The following PCDHGA6 variants were observed in gnomAD, a reference collection of about 807,000 sequenced individuals.
PCDHGA6 encodes protocadherin gamma subfamily A, 6.
In PCDHGA6, 41 loss-of-function variants were observed where a neutral mutation model predicts 60.6. That is an observed-to-expected ratio of 0.68 (90% CI 0.53 to 0.88). PCDHGA6 has a LOEUF of 0.88. PCDHGA6 is among the 40% of genes least tolerant of loss of function. The pLI is 0.00. For missense variants in PCDHGA6, 1,312 were observed against 1,203.0 expected (o/e 1.09, Z -1.34); for synonymous variants, 594 against 524.4 (o/e 1.13, Z -1.81).
At chr5:141,383,401 CAG>C (rs1246270441) in intron 1 of PCDHGA6, 1 of 1,614,016 alleles carries the variant, frequency 6.2e-7, no homozygotes. Context: ...GAACTCCCTC[CAG>C]AGTTACCAGC....
intron 1 of PCDHGA6, chr5:141,400,068 GC>G (rs1160956861): frequency 6.2e-7 from 1 of 1,613,706 alleles, no homozygotes; most frequent in African/African-American, 1.3e-5. Context: ...ATGGTGGACA[GC>G]CGCCACTCTC....
intron 1 of PCDHGA6, among the ~76,000 whole-genome samples, chr5:141,439,631 A>C (rs1459977985): frequency 2.0e-5 from 3 of 152,214 alleles, no homozygotes; most frequent in Non-Finnish European, 2.9e-5. Context: ...ATCCCCAGAC[A>C]TTCCGGCTTG....
intron 1 of PCDHGA6, chr5:141,395,535 C>A: frequency 3.6e-5 from 12 of 331,892 alleles, no homozygotes; most frequent in Admixed American, 5.0e-5. Context: ...GGTAATTTTG[C>A]TATTGTTTGT....
Position 141,402,817 on chromosome 5 carries a change from C to T in PCDHGA6, c.2424+26310C>T, listed in dbSNP as rs1040353038. On this transcript the variant is annotated intron_variant, in intron 1 of 3. Transcript: ENST00000517434. ...ACAAAACCCGGCAGATACCACAAACCTGCTCCCAGGCTGCAGCAAAACTCA... is the reference window on the plus strand; with the variant it reads ...ACAAAACCCGGCAGATACCACAAACTTGCTCCCAGGCTGCAGCAAAACTCA... The T allele has an allele frequency of 6.3e-6, 8 of 1,267,616 alleles. No homozygotes were observed. In the African/African-American group the frequency reaches 1.2e-4, roughly 19 times the overall value. The allele number at this position is 1,267,616 out of a possible 1,614,324, so 78.5% of individuals were successfully genotyped here.
rs773688197 is a variant in PCDHGA6 at position 141,432,412 on chromosome 5, C to A, written c.2424+55905C>A. 2.5e-6 allele frequency: 4 copies of A among 1,614,128 alleles called. No homozygotes were observed. The Admixed American group carries it at 6.7e-5, about 27-fold the overall frequency. On this transcript the variant is annotated intron_variant, in intron 1 of 3. Transcript: ENST00000517434. The surrounding 1 kb of genome is among the most constrained non-coding windows in gnomAD (Gnocchi z 6.0). ...GCAGCAACGTGTCGTTGAGCCTGTT[C>A]GTGCTGGACCAGAACGACAATGCGC...
chr5:141,499,486 C>T (rs569172977), intron 2 of PCDHGA6, among the ~76,000 whole-genome samples: 3 of 152,284 alleles, frequency 2.0e-5, no homozygotes, highest in East Asian at 1.9e-4. Context: ...CCACCAACTA[C>T]AGTTTAATAT....
chr5:141,398,586 A>G, intron 1 of PCDHGA6: 2 of 1,614,054 alleles, frequency 1.2e-6, no homozygotes, highest in Non-Finnish European at 1.7e-6. Flanking sequence ...CAAGATTTAT[A>G]CTAGAAGTAG....
chr5:141,505,255 C>T (rs2099844853), intron 2 of PCDHGA6, 138 bp from the exon 3 acceptor site: 1 of 1,481,112 alleles, frequency 6.8e-7, no homozygotes, highest in Admixed American at 2.1e-5. Context: ...AGAAGTGCCT[C>T]CTACCTTGCT....
At chr5:141,445,294 T>G (rs1012635904) in intron 1 of PCDHGA6, among the ~76,000 whole-genome samples, 2 of 152,238 alleles carry the variant, frequency 1.3e-5, no homozygotes. Flanking sequence ...CAGGCTTCCA[T>G]TCTCTTCAGT....
At chr5:141,418,687 G>T (rs758554600) in intron 1 of PCDHGA6, 1 of 1,613,928 alleles carries the variant, frequency 6.2e-7, no homozygotes, top group African/African-American at 1.3e-5. Context: ...TCAACTCAGA[G>T]ATCACTTATT....
At chr5:141,385,323 G>C (rs1781122610) in intron 1 of PCDHGA6, 1 of 1,607,092 alleles carries the variant, frequency 6.2e-7, no homozygotes, top group Non-Finnish European at 8.5e-7. Flanking sequence ...CAAGTATTCA[G>C]GTGAGCCCAG....
chr5:141,494,441 C>T (rs1187169994), intron 1 of PCDHGA6, among the ~76,000 whole-genome samples: 2 of 152,154 alleles, frequency 1.3e-5, no homozygotes, highest in African/African-American at 4.8e-5. Context: ...TCCTTTGCCA[C>T]TTTAGGGGGC....
intron 1 of PCDHGA6, among the ~76,000 whole-genome samples, chr5:141,402,781 T>G (rs1456317365): frequency 1.3e-5 from 2 of 152,200 alleles, no homozygotes; most frequent in Non-Finnish European, 2.9e-5. Context: ...GATTTCCAGT[T>G]CTGCGGCTAC....
chr5:141,405,192 G>A (rs2154536235), intron 1 of PCDHGA6: 5 of 1,613,938 alleles, frequency 3.1e-6, no homozygotes, highest in East Asian at 2.2e-5. Context: ...GATGGGGTTC[G>A]AGCTTTCCTA....
chr5:141,468,801 A>G (rs949203275), intron 1 of PCDHGA6, among the ~76,000 whole-genome samples: 15 of 151,736 alleles, frequency 9.9e-5, no homozygotes, highest in South Asian at 2.1e-4. Context: ...GGGAGGCGGA[A>G]CTTGCAGTGA....
chr5:141,407,703 G>A (rs1016806853), intron 1 of PCDHGA6, among the ~76,000 whole-genome samples: 26 of 152,096 alleles, frequency 1.7e-4, no homozygotes, highest in African/African-American at 6.3e-4. Flanking sequence ...ATTGTTGAAG[G>A]TGGGGTGATG....
At position 141,463,796 on chromosome 5, in the gene PCDHGA6, G is replaced by A. The variant is rs139760353; in HGVS notation, c.2425-31011G>A. ...ATCCTGCACTGTCTTTTGAACAAAT[G>A]TCTAAAAGCTTTTATCACACATTTT... On this transcript the variant is annotated intron_variant, in intron 1 of 3. Coordinates refer to ENST00000517434, the MANE Select transcript of PCDHGA6 (RefSeq NM_018919.3). Among the ~76,000 whole-genome samples, 155 of 152,232 alleles carry A rather than the reference G, an allele frequency of 1.0e-3. 1 individual carries two copies. The highest frequency in any genetic ancestry group is 3.4e-3 in the African/African-American group (140 of 41,538).
At chr5:141,396,934 G>A (rs1037377516) in intron 1 of PCDHGA6, among the ~76,000 whole-genome samples, 2 of 152,186 alleles carry the variant, frequency 1.3e-5, no homozygotes. Flanking sequence ...GATGAAAGTT[G>A]CCCTGGTAGG....
intron 1 of PCDHGA6, among the ~76,000 whole-genome samples, chr5:141,435,710 C>T (rs1033703743): frequency 1.3e-5 from 2 of 152,148 alleles, no homozygotes; most frequent in Admixed American, 6.5e-5. Flanking sequence ...TGGTTACAGA[C>T]ACTGAATGCT....
Sources: gnomAD v4.1 joint callset for allele counts (sites outside exome capture counted in the v4.1 genomes callset) on GRCh38, gnomAD v4.1.1 for gene constraint, Gnocchi (gnomAD v3.1) non-coding constraint, MANE v1.5 for transcripts, NCBI Gene and HGNC (gene_info 2026-07-23, HGNC 2026-07-21) for gene names.